The following PTPRD variants were observed in gnomAD, a reference collection of about 807,000 sequenced individuals.
PTPRD encodes the protein protein tyrosine phosphatase receptor type D, also known as receptor-type tyrosine-protein phosphatase delta.
Under a neutral mutation model 214.5 loss-of-function variants are expected in PTPRD, and 34 were observed. The observed-to-expected ratio is 0.16, with a 90% CI of 0.12 to 0.21. PTPRD has a LOEUF of 0.21. PTPRD is among the 10% of genes least tolerant of loss of function. The pLI, the probability that PTPRD is intolerant of heterozygous loss-of-function variation, is 1.00. For missense variants in PTPRD, 2,545 were observed against 2,398.7 expected, an observed-to-expected ratio of 1.06 and a Z score of -1.27; for synonymous variants, 1,128 against 845.7, an observed-to-expected ratio of 1.33 and a Z score of -5.79.
rs1587199567 is a variant in PTPRD at position 8,317,351 on chromosome 9, G to C, written c.*523C>G. The C allele has an allele frequency of 4.3e-6, 1 of 232,438 alleles. No individual in the cohort carries two copies. Among genetic ancestry groups the C allele is most frequent in the African/African-American group, 2.2e-5 (1 of 45,250 alleles). 14.4% of individuals were successfully genotyped at this position (232,438 alleles called of 1,614,324 possible). Reference sequence around the variant, plus strand: ...GTTAGAAATGAAGCACAGGTCAGCAGTATCTTTACAATACTAAAAAACTAA... The same window carrying C: ...GTTAGAAATGAAGCACAGGTCAGCACTATCTTTACAATACTAAAAAACTAA... On this transcript the variant is annotated 3_prime_UTR_variant, in exon 46 of 46. Coordinates refer to ENST00000381196, the MANE Select transcript of PTPRD (RefSeq NM_002839.4).
chr9:10,334,323 G>A (rs1015934619), intron 3 of PTPRD, among the ~76,000 whole-genome samples: 11 of 151,568 alleles, frequency 7.3e-5, no homozygotes, highest in Non-Finnish European at 1.3e-4. Flanking sequence ...AATAGATCCA[G>A]AAAAAGGATT....
rs376118576 is a variant in PTPRD at position 8,445,739 on chromosome 9, C to T, written c.3988+3986G>A. On this transcript the variant is annotated intron_variant, in intron 34 of 45. Coordinates refer to ENST00000381196, the MANE Select transcript of PTPRD (RefSeq NM_002839.4). Reference sequence around the variant, plus strand: ...TCCATATTGTCTCTGATGCAGCAATCGGTTAAGTCACAATTACATTATGCT... The same window carrying T: ...TCCATATTGTCTCTGATGCAGCAATTGGTTAAGTCACAATTACATTATGCT... Among the ~76,000 whole-genome samples, 8 of 152,188 alleles carry T rather than the reference C, an allele frequency of 5.3e-5. No individual in the cohort carries two copies. In the East Asian group the frequency reaches 7.7e-4, roughly 15 times the overall value.
rs869246078 is a variant in PTPRD at position 9,384,343 on chromosome 9, C to CTTTTTTTTTTT, written c.-203+13095_-203+13105dup. On this transcript the variant is annotated intron_variant, in intron 9 of 45. Transcript: ENST00000381196. ...GATGATATTTGAGCAGAAGACTAGGCTTTTTTTTTTTTTTTTTTTTTTTTT... is the reference window on the plus strand; with the variant it reads ...GATGATATTTGAGCAGAAGACTAGGCTTTTTTTTTTTTTTTTTTTTTTTTTTTTTTTTTTTT... 3.0e-4 allele frequency among the ~76,000 whole-genome samples: 10 copies of CTTTTTTTTTTT among 33,316 alleles called. 3 individuals are homozygous for CTTTTTTTTTTT. The highest frequency in any genetic ancestry group is 8.3e-4 in the Admixed American group (2 of 2,418). 21.9% of individuals were successfully genotyped at this position (33,316 alleles called of 152,430 possible).
At chr9:8,672,926 TA>T (rs2097316771) in intron 12 of PTPRD, among the ~76,000 whole-genome samples, 1 of 152,048 alleles carries the variant, frequency 6.6e-6, no homozygotes, top group South Asian at 2.1e-4. Flanking sequence ...TTCTGCCAAT[TA>T]AAAACAGTAG....
intron 2 of PTPRD, among the ~76,000 whole-genome samples, chr9:10,596,181 G>T (rs112244103): frequency 6.6e-6 from 1 of 151,664 alleles, no homozygotes; most frequent in Non-Finnish European, 1.5e-5. Context: ...ACTGTCTCAC[G>T]TTCAGTAATC....
chr9:9,738,563 C>G (rs543927857), intron 6 of PTPRD, among the ~76,000 whole-genome samples: 18 of 150,638 alleles, frequency 1.2e-4, no homozygotes, highest in Admixed American at 1.3e-4. Flanking sequence ...CCTGACCCAG[C>G]CTCCTTCTGT....
intron 11 of PTPRD, among the ~76,000 whole-genome samples, chr9:8,928,089 ATTC>A (rs2098916558): frequency 6.6e-6 from 1 of 152,098 alleles, no homozygotes; most frequent in African/African-American, 2.4e-5. Flanking sequence ...TTATTTGCAG[ATTC>A]TGGATATTTG....
intron 10 of PTPRD, among the ~76,000 whole-genome samples, chr9:9,045,071 G>A (rs2099667868): frequency 6.6e-6 from 1 of 152,170 alleles, no homozygotes; most frequent in Non-Finnish European, 1.5e-5. Context: ...AAAGAAACAT[G>A]ATTGTCATTT....
At chr9:9,362,064 A>G (rs1416954512) in intron 9 of PTPRD, among the ~76,000 whole-genome samples, 3 of 151,160 alleles carry the variant, frequency 2.0e-5, no homozygotes, top group African/African-American at 7.3e-5. Context: ...GTTGACTTAA[A>G]AAAAGATCGA....
chr9:9,348,901 T>C (rs2049992787), intron 9 of PTPRD, among the ~76,000 whole-genome samples: 1 of 152,108 alleles, frequency 6.6e-6, no homozygotes, highest in Non-Finnish European at 1.5e-5. Context: ...CAATTGTCAG[T>C]GGAGATTTTT....
intron 3 of PTPRD, among the ~76,000 whole-genome samples, chr9:10,180,076 G>C (rs1335956539): frequency 6.6e-6 from 1 of 151,964 alleles, no homozygotes; most frequent in East Asian, 1.9e-4. Flanking sequence ...TATTAAAACA[G>C]AATCACAGGT....
chr9:9,334,149 T>C (rs1200511918), intron 9 of PTPRD, among the ~76,000 whole-genome samples: 1 of 152,018 alleles, frequency 6.6e-6, no homozygotes, highest in Non-Finnish European at 1.5e-5. Flanking sequence ...CGTCATCAAT[T>C]TTAAAAATTT....
At chr9:10,373,406 G>C (rs542274790) in intron 2 of PTPRD, among the ~76,000 whole-genome samples, 1 of 152,064 alleles carries the variant, frequency 6.6e-6, no homozygotes, top group East Asian at 1.9e-4. Context: ...AGATTATTTT[G>C]TATTTGAATA....
intron 11 of PTPRD, among the ~76,000 whole-genome samples, chr9:8,858,850 G>A (rs983599648): frequency 1.4e-5 from 2 of 141,176 alleles, no homozygotes; most frequent in Non-Finnish European, 3.2e-5. Context: ...CAGACACACA[G>A]ACACACACAC....
chr9:8,488,852 T>C (rs2097091598), intron 27 of PTPRD, among the ~76,000 whole-genome samples: 1 of 152,268 alleles, frequency 6.6e-6, no homozygotes, highest in African/African-American at 2.4e-5. Flanking sequence ...GCCTTCAATA[T>C]ATGAAACTCC....
chr9:10,367,065 GA>G (rs2097530137), intron 2 of PTPRD, among the ~76,000 whole-genome samples: 1 of 126,834 alleles, frequency 7.9e-6, no homozygotes, highest in Non-Finnish European at 1.6e-5. Flanking sequence ...AAAGAAAAAA[GA>G]AACAGACAAA....
At chr9:10,413,682 G>A (rs998173364) in intron 2 of PTPRD, among the ~76,000 whole-genome samples, 3 of 151,964 alleles carry the variant, frequency 2.0e-5, no homozygotes, top group Non-Finnish European at 4.4e-5. Context: ...CAAAGCTGGA[G>A]GCATCACATT....
chr9:8,443,184 G>A (rs773279723), intron 34 of PTPRD, among the ~76,000 whole-genome samples: 1 of 152,120 alleles, frequency 6.6e-6, no homozygotes, highest in Admixed American at 6.5e-5. Flanking sequence ...CAATTCTAAT[G>A]GAGAGTTTCT....
At chr9:10,139,156 C>G (rs986560260) in intron 3 of PTPRD, among the ~76,000 whole-genome samples, 2 of 151,924 alleles carry the variant, frequency 1.3e-5, no homozygotes, top group African/African-American at 4.8e-5. Context: ...AAGATTCCCC[C>G]AAAAGGCACT....
Sources: allele counts gnomAD v4.1 joint callset (sites outside exome capture counted in the v4.1 genomes callset), GRCh38; gene constraint gnomAD v4.1.1; transcripts MANE v1.5; gene names NCBI Gene and HGNC (gene_info 2026-07-23, HGNC 2026-07-21).